Variants in CHSY3 observed in about 807,000 individuals in gnomAD.
CHSY3 encodes chondroitin sulfate synthase 3.
In CHSY3, 35 loss-of-function variants were observed where a neutral mutation model predicts 67.2. The observed-to-expected ratio is 0.52, with a 90% CI of 0.40 to 0.69. The LOEUF is 0.69. CHSY3 is among the 30% of genes least tolerant of loss of function. The pLI is 0.00. For synonymous variants in CHSY3, 474 were observed against 434.7 expected, an observed-to-expected ratio of 1.09 and a Z score of -1.12; for missense variants, 1,069 against 1,138.5, an observed-to-expected ratio of 0.94 and a Z score of 0.88.
intron 2 of CHSY3, chr5:130,141,307 T>C: frequency 2.5e-6 from 1 of 398,554 alleles, no homozygotes; most frequent in South Asian, 2.4e-5. Context: ...TAGACCTCAT[T>C]ACCTACTTTG....
At chr5:130,065,147 GT>G (rs1043116673) in intron 2 of CHSY3, among the ~76,000 whole-genome samples, 2 of 151,990 alleles carry the variant, frequency 1.3e-5, no homozygotes, top group Non-Finnish European at 2.9e-5. Flanking sequence ...ATTTTAAAGT[GT>G]TTTTTTATGG....
intron 2 of CHSY3, among the ~76,000 whole-genome samples, chr5:129,929,968 C>T (rs1177756947): frequency 6.6e-6 from 1 of 152,086 alleles, no homozygotes; most frequent in African/African-American, 2.4e-5. Context: ...TTAACTCGTA[C>T]AGTAAAAATA....
chr5:129,955,013 C>A (rs749037288), intron 2 of CHSY3, among the ~76,000 whole-genome samples: 1 of 151,910 alleles, frequency 6.6e-6, no homozygotes. Context: ...TGTCTATAGG[C>A]GCATGCCACA....
At chr5:130,018,199 C>A (rs1764267688) in intron 2 of CHSY3, among the ~76,000 whole-genome samples, 1 of 151,688 alleles carries the variant, frequency 6.6e-6, no homozygotes, top group African/African-American at 2.4e-5. Flanking sequence ...AAAAGTTAAT[C>A]TTATTTTTTA....
intron 2 of CHSY3, among the ~76,000 whole-genome samples, chr5:130,169,054 T>A (rs1769826723): frequency 6.6e-6 from 1 of 152,142 alleles, no homozygotes; most frequent in South Asian, 2.1e-4. Context: ...GAAATGTTTG[T>A]TCAGGCAAAA....
intron 2 of CHSY3, among the ~76,000 whole-genome samples, chr5:130,162,991 A>C (rs1416664033): frequency 2.6e-5 from 4 of 152,092 alleles, no homozygotes; most frequent in Non-Finnish European, 5.9e-5. Flanking sequence ...CAATCAGTGC[A>C]ACTTGTGCAA....
chr5:130,061,892 CA>C (rs145716348), intron 2 of CHSY3, among the ~76,000 whole-genome samples: 24 of 142,706 alleles, frequency 1.7e-4, no homozygotes, highest in East Asian at 4.1e-4. Flanking sequence ...ATTAAAAAGT[CA>C]AAAAAAAAAC....
intron 2 of CHSY3, among the ~76,000 whole-genome samples, chr5:130,102,481 C>T (rs957032702): frequency 7.3e-5 from 11 of 151,694 alleles, no homozygotes; most frequent in Admixed American, 4.6e-4. Context: ...TAACTACTCT[C>T]CTTCTACAAA....
chr5:130,019,352 G>A (rs1420074090), intron 2 of CHSY3, among the ~76,000 whole-genome samples: 2 of 151,920 alleles, frequency 1.3e-5, no homozygotes, highest in Non-Finnish European at 2.9e-5. Flanking sequence ...GGCAACATCA[G>A]GTACTCCATC....
chr5:129,946,732 C>T (rs146330797), intron 2 of CHSY3, among the ~76,000 whole-genome samples: 1,704 of 152,260 alleles, frequency 0.011, 37 homozygotes, highest in African/African-American at 0.038. Flanking sequence ...CCTCCAGGTT[C>T]ATCCATGTTG....
intron 2 of CHSY3, among the ~76,000 whole-genome samples, chr5:130,133,817 C>G (rs573854476): frequency 4.6e-5 from 6 of 129,234 alleles, no homozygotes; most frequent in Non-Finnish European, 1.0e-4. Flanking sequence ...AAAAGGCTGT[C>G]AACCTAAGAG....
At chr5:129,918,298 C>T (rs1003531395) in intron 2 of CHSY3, among the ~76,000 whole-genome samples, 9 of 152,116 alleles carry the variant, frequency 5.9e-5, no homozygotes, top group Non-Finnish European at 4.4e-5. Flanking sequence ...CTCAGTAATA[C>T]GTAATAAGAG....
At chr5:130,167,280 T>A (rs1182735573) in intron 2 of CHSY3, among the ~76,000 whole-genome samples, 1 of 152,098 alleles carries the variant, frequency 6.6e-6, no homozygotes, top group African/African-American at 2.4e-5. Context: ...CTTCCGTGTT[T>A]GCTAATTGGT....
rs188450887 is a variant in CHSY3 at position 129,944,623 on chromosome 5, G to A, written c.1086+36263G>A. ...GCTGGGATTACAGGTGTGAGCCACC[G>A]CGCCCAGCCCAGTGAACAAATTTAT... On this transcript the variant is annotated intron_variant, in intron 2 of 2. Transcript: ENST00000305031. 3.0e-3 allele frequency among the ~76,000 whole-genome samples: 459 copies of A among 152,152 alleles called. 2 individuals carry two copies. The highest frequency in any genetic ancestry group is 6.8e-3 in the Middle Eastern group (2 of 294).
intron 2 of CHSY3, among the ~76,000 whole-genome samples, chr5:129,936,072 A>G (rs1220388478): frequency 6.6e-6 from 1 of 152,238 alleles, no homozygotes; most frequent in Admixed American, 6.5e-5. Flanking sequence ...TTAAACCTTT[A>G]ATTAATACAC....
intron 2 of CHSY3, among the ~76,000 whole-genome samples, chr5:130,173,686 T>C (rs1184304749): frequency 6.6e-6 from 1 of 152,148 alleles, no homozygotes; most frequent in Non-Finnish European, 1.5e-5. Flanking sequence ...TGTACCTTAT[T>C]ATTCTTATAC....
chr5:129,908,119 A>G lies in CHSY3; in HGVS notation c.845A>G (p.Lys282Arg), dbSNP rs994007189. 6.2e-7 allele frequency: 1 copy of G among 1,614,018 alleles called. No homozygotes were observed. Among genetic ancestry groups the G allele is most frequent in the Non-Finnish European group, 8.5e-7 (1 of 1,180,032 alleles). Residue 282 changes from lysine (K) to arginine (R), a missense_variant, in exon 2 of 3, where the codon AAG becomes AGG. Lys to Arg is a conservative substitution (Grantham distance 26). Coordinates refer to ENST00000305031, the MANE Select transcript of CHSY3 (RefSeq NM_175856.5). The part of the protein sequence containing the change: ...EEFLRSLNSS[K>R]PLYLGQTGLG... ...TTTCTTAGATCGCTAAACAGCAGTA[A>G]GCCTCTCTACCTGGGACAGACTGGC...
At chr5:130,178,270 T>TTTC (rs1770138134) in intron 2 of CHSY3, among the ~76,000 whole-genome samples, 1 of 134,702 alleles carries the variant, frequency 7.4e-6, no homozygotes, top group Non-Finnish European at 1.6e-5. Flanking sequence ...TTTTTTTTTT[T>TTTC]CCTGAGACGG....
At chr5:130,133,704 G>A (rs1295245658) in intron 2 of CHSY3, among the ~76,000 whole-genome samples, 5 of 149,184 alleles carry the variant, frequency 3.4e-5, no homozygotes, top group African/African-American at 9.9e-5. Flanking sequence ...CCCAGGAGGC[G>A]GAGGTTGCAG....
Sources: allele counts gnomAD v4.1 joint callset (sites outside exome capture counted in the v4.1 genomes callset), GRCh38; gene constraint gnomAD v4.1.1; transcripts MANE v1.5; gene names NCBI Gene and HGNC (gene_info 2026-07-23, HGNC 2026-07-21).